The following FHAD1 variants were observed in gnomAD, a reference collection of about 807,000 sequenced individuals.
FHAD1 encodes the protein forkhead-associated domain-containing protein 1.
FHAD1 carries 146 observed loss-of-function variants against 191.3 expected under a neutral mutation model. The observed-to-expected ratio is 0.76, with a 90% CI of 0.67 to 0.88. The LOEUF is 0.88. Among genes scored for constraint, FHAD1 ranks in the 40% least tolerant of loss-of-function variants. FHAD1 has a pLI of 0.00. For missense variants in FHAD1, 1,635 were observed against 1,785.8 expected (o/e 0.92, Z 1.52); for synonymous variants, 616 against 672.3 (o/e 0.92, Z 1.29).
chr1:15,356,710 A>G (rs1692913848), intron 20 of FHAD1, among the ~76,000 whole-genome samples: 1 of 152,008 alleles, frequency 6.6e-6, no homozygotes, highest in South Asian at 2.1e-4. Flanking sequence ...CATCTCTGCT[A>G]AAAATACAAA....
At chr1:15,282,434 T>C (rs116305224) in intron 3 of FHAD1, among the ~76,000 whole-genome samples, 358 of 152,362 alleles carry the variant, frequency 2.3e-3, no homozygotes, top group African/African-American at 8.1e-3. Flanking sequence ...AGGGTTTTTA[T>C]TGATTTTTGC....
intron 14 of FHAD1, among the ~76,000 whole-genome samples, chr1:15,338,805 G>A (rs1558155476): frequency 6.6e-6 from 1 of 152,030 alleles, no homozygotes; most frequent in Non-Finnish European, 1.5e-5. Context: ...CATGCCACCT[G>A]GGGTCACTGC....
intron 28 of FHAD1, among the ~76,000 whole-genome samples, chr1:15,378,960 CG>C (rs1700277555): frequency 6.6e-6 from 1 of 152,020 alleles, no homozygotes; most frequent in Non-Finnish European, 1.5e-5. Flanking sequence ...AGCAAGCAGC[CG>C]GCTGAGCAGG....
chr1:15,299,379 T>C (rs1668027808), intron 5 of FHAD1, among the ~76,000 whole-genome samples: 1 of 152,216 alleles, frequency 6.6e-6, no homozygotes, highest in Non-Finnish European at 1.5e-5. Context: ...AGTTTTGCTT[T>C]TGCAGCAGGC....
intron 2 of FHAD1, among the ~76,000 whole-genome samples, chr1:15,257,311 T>C (rs1648666378): frequency 6.6e-6 from 1 of 152,172 alleles, no homozygotes. Context: ...AAATTTCTGC[T>C]CATCCAAGAG....
rs552198145 is a variant in FHAD1, at chr1:15,396,715, C to T, written c.4324-582C>T. 2.0e-5 allele frequency among the ~76,000 whole-genome samples: 3 copies of T among 151,822 alleles called. No homozygotes were observed. In the East Asian group the frequency reaches 5.9e-4, roughly 30 times the overall value. On this transcript the variant is annotated intron_variant, in intron 33 of 33. Coordinates refer to ENST00000688493, the MANE Select transcript of FHAD1 (RefSeq NM_001391957.1). ...GTCCCAGCTGCTTGGGAGGCTGAGGCAGGAGAATCACTTGAATCCGTGAGG... is the reference window on the plus strand; with the variant it reads ...GTCCCAGCTGCTTGGGAGGCTGAGGTAGGAGAATCACTTGAATCCGTGAGG...
At chr1:15,370,109 T>C (rs980024025) in intron 26 of FHAD1, among the ~76,000 whole-genome samples, 2 of 152,154 alleles carry the variant, frequency 1.3e-5, no homozygotes, top group Non-Finnish European at 2.9e-5. Flanking sequence ...CCCTAGTAGC[T>C]GGGACTACAG....
intron 32 of FHAD1, chr1:15,388,398 C>A (rs569471111): frequency 1.6e-6 from 2 of 1,262,284 alleles, no homozygotes; most frequent in Non-Finnish European, 2.0e-6. Context: ...GACAAGCACG[C>A]GTCCAGCCCC....
intron 22 of FHAD1, among the ~76,000 whole-genome samples, chr1:15,361,284 T>G (rs938645501): frequency 1.4e-4 from 22 of 152,186 alleles, no homozygotes; most frequent in Admixed American, 1.4e-3. Flanking sequence ...AGCAGGATCA[T>G]TTTTTCATGG....
intron 3 of FHAD1, among the ~76,000 whole-genome samples, chr1:15,275,026 G>A (rs1395818474): frequency 6.6e-6 from 1 of 151,754 alleles, no homozygotes; most frequent in Non-Finnish European, 1.5e-5. Context: ...ACAGTGGCCC[G>A]AGCTCGGCTC....
chr1:15,261,559 C>G (rs1651072076), intron 2 of FHAD1, among the ~76,000 whole-genome samples: 1 of 152,114 alleles, frequency 6.6e-6, no homozygotes, highest in Admixed American at 6.5e-5. Flanking sequence ...TTCTGGGGAG[C>G]TCTCAGAGAT....
At chr1:15,309,168 G>A (rs965114280) in intron 7 of FHAD1, among the ~76,000 whole-genome samples, 3 of 152,178 alleles carry the variant, frequency 2.0e-5, no homozygotes, top group Non-Finnish European at 4.4e-5. Context: ...CTCTTGGGCC[G>A]GAGCGAAAGC....
chr1:15,283,193 G>T (rs1261635459), intron 3 of FHAD1, among the ~76,000 whole-genome samples: 1 of 152,232 alleles, frequency 6.6e-6, no homozygotes, highest in African/African-American at 2.4e-5. Flanking sequence ...TACCTTTTGG[G>T]TGTTGCCATG....
At chr1:15,367,351 C>G (rs1030613683) in intron 24 of FHAD1, 112 bp from the exon 25 acceptor site, 2 of 1,210,434 alleles carry the variant, frequency 1.7e-6, no homozygotes, top group Non-Finnish European at 1.1e-6. Context: ...CAAAAATTAG[C>G]CAGTCGTGGT....
chr1:15,373,426 C>T (rs554208428), intron 26 of FHAD1, among the ~76,000 whole-genome samples: 35 of 148,702 alleles, frequency 2.4e-4, no homozygotes, highest in South Asian at 1.5e-3. Context: ...GCAGGAGAAT[C>T]GCTTGAACCC....
chr1:15,275,353 GGA>G, intron 3 of FHAD1, among the ~76,000 whole-genome samples: 1 of 152,268 alleles, frequency 6.6e-6, no homozygotes, highest in East Asian at 1.9e-4. Flanking sequence ...ATTAGCTAAG[GGA>G]CTTTTGGCAG....
intron 31 of FHAD1, among the ~76,000 whole-genome samples, chr1:15,385,323 C>G (rs535785664): frequency 6.6e-6 from 1 of 151,926 alleles, no homozygotes; most frequent in Non-Finnish European, 1.5e-5. Flanking sequence ...TTTTCCACGT[C>G]TCCTGTATAA....
At chr1:15,371,936 G>A (rs1447396617) in intron 26 of FHAD1, among the ~76,000 whole-genome samples, 1 of 152,224 alleles carries the variant, frequency 6.6e-6, no homozygotes, top group Admixed American at 6.5e-5. Context: ...TATTTATTGA[G>A]TACCTACTGT....
Position 15,249,965 on chromosome 1 carries a change from A to G in FHAD1, c.-14-1806A>G, listed in dbSNP as rs571636262. 9.8e-5 allele frequency among the ~76,000 whole-genome samples: 15 copies of G among 152,296 alleles called. No individual in the cohort carries two copies. In the South Asian group the frequency reaches 2.5e-3, roughly 25 times the overall value. On this transcript the variant is annotated intron_variant, in intron 1 of 33. Coordinates refer to ENST00000688493, the MANE Select transcript of FHAD1 (RefSeq NM_001391957.1). The stretch of plus-strand genomic sequence containing the variant: ...TTTCTGTAAAGTAGGGACAATAATG[A>G]CACCCACCTTGCAGGGTTTCTCTGA...
Sources: allele counts gnomAD v4.1 joint callset (sites outside exome capture counted in the v4.1 genomes callset), GRCh38; gene constraint gnomAD v4.1.1; transcripts MANE v1.5; gene names NCBI Gene and HGNC (gene_info 2026-07-23, HGNC 2026-07-21).